CCDC60: variants seen among roughly 807,000 people sequenced by gnomAD.
CCDC60 encodes the protein coiled-coil domain containing 60.
CCDC60 carries 54 observed loss-of-function variants against 63.5 expected under a neutral mutation model. The ratio of observed to expected loss-of-function variants is 0.85; its 90% CI spans 0.68 to 1.07. CCDC60 has a LOEUF of 1.07. Among genes scored for constraint, CCDC60 ranks in the 50% least tolerant of loss-of-function variants. CCDC60 has a pLI of 0.00. For synonymous variants in CCDC60, 206 were observed against 238.8 expected (o/e 0.86, Z 1.27); for missense variants, 651 against 684.3 (o/e 0.95, Z 0.54).
chr12:119,462,513 AT>A (rs1264888710), intron 2 of CCDC60, among the ~76,000 whole-genome samples: 2 of 152,032 alleles, frequency 1.3e-5, no homozygotes, highest in African/African-American at 2.4e-5. Context: ...TTTAAAAAAA[AT>A]TTTCTTGTTT....
At chr12:119,537,208 T>C (rs1202640710) in intron 13 of CCDC60, among the ~76,000 whole-genome samples, 1 of 152,256 alleles carries the variant, frequency 6.6e-6, no homozygotes, top group African/African-American at 2.4e-5. Context: ...AATCGGCTAC[T>C]GAAGCTTGTG....
intron 7 of CCDC60, among the ~76,000 whole-genome samples, chr12:119,516,174 C>T (rs185616414): frequency 3.9e-5 from 6 of 152,178 alleles, no homozygotes; most frequent in African/African-American, 9.6e-5. Flanking sequence ...GGCATGATCT[C>T]GGCTCGCTGC....
At chr12:119,483,313 C>G (rs1050034864) in intron 4 of CCDC60, among the ~76,000 whole-genome samples, 1 of 152,258 alleles carries the variant, frequency 6.6e-6, no homozygotes, top group Non-Finnish European at 1.5e-5. Context: ...CAATGCGGAT[C>G]AGAGCCTGGT....
chr12:119,506,221 T>A (rs996515793), intron 7 of CCDC60, among the ~76,000 whole-genome samples: 2 of 152,134 alleles, frequency 1.3e-5, no homozygotes, highest in African/African-American at 4.8e-5. Flanking sequence ...CTGAACATTT[T>A]ATAGATGGAA....
In CCDC60 at chr12:119,516,712, G is replaced by A; in HGVS notation, c.968+5G>A. On this transcript the variant is annotated splice_donor_5th_base_variant and intron_variant, in intron 8 of 13. Transcript: ENST00000327554. ...GATGCAAAGAAAAGCACCCAGGTATGTGCTCTTGACTCCTGGGGCAAATAA... is the reference window on the plus strand; with the variant it reads ...GATGCAAAGAAAAGCACCCAGGTATATGCTCTTGACTCCTGGGGCAAATAA... The A allele has an allele frequency of 1.3e-6, 2 of 1,599,286 alleles. No individual in the cohort carries two copies. Among genetic ancestry groups the A allele is most frequent in the Non-Finnish European group, 1.7e-6 (2 of 1,166,968 alleles).
Position 119,456,577 on chromosome 12 carries a change from G to T in CCDC60, c.171-15417G>T, listed in dbSNP as rs1056181151. On this transcript the variant is annotated intron_variant, in intron 2 of 13. Transcript: ENST00000327554. The surrounding 1 kb of genome is among the most constrained non-coding windows in gnomAD (Gnocchi z 4.6). ...GATCTTGCACAAGAAAGAATTCAGG[G>T]CAAGTCCATAGCATAAAGTGAAAGC... 1.3e-5 allele frequency among the ~76,000 whole-genome samples: 2 copies of T among 152,178 alleles called. No individual in the cohort carries two copies. Among genetic ancestry groups the T allele is most frequent in the African/African-American group, 4.8e-5 (2 of 41,434 alleles).
intron 1 of CCDC60, among the ~76,000 whole-genome samples, chr12:119,365,952 C>T (rs1955835897): frequency 6.6e-6 from 1 of 152,162 alleles, no homozygotes; most frequent in Non-Finnish European, 1.5e-5. Flanking sequence ...GCCAAGATTA[C>T]AATGTTGAAA....
chr12:119,507,409 G>A (rs1202533555), intron 7 of CCDC60, among the ~76,000 whole-genome samples: 7 of 148,594 alleles, frequency 4.7e-5, no homozygotes, highest in Admixed American at 3.4e-4. Context: ...GCAGATATGC[G>A]ATTCTTATAT....
intron 1 of CCDC60, among the ~76,000 whole-genome samples, chr12:119,337,244 C>T (rs1955480869): frequency 6.6e-6 from 1 of 152,210 alleles, no homozygotes; most frequent in African/African-American, 2.4e-5. Context: ...TCCAGAGCAG[C>T]CCGCTCTGGG....
rs1566019661 is a variant in CCDC60 at position 119,456,063 on chromosome 12, GCA to G, written c.171-15930_171-15929del. Among the ~76,000 whole-genome samples the G allele has an allele frequency of 1.2e-5, 1 of 83,958 alleles. No individual in the cohort carries two copies. Among genetic ancestry groups the G allele is most frequent in the East Asian group, 4.6e-4 (1 of 2,156 alleles). 55.1% of individuals were successfully genotyped at this position (83,958 alleles called of 152,430 possible). A position where few individuals can be genotyped will look rare whatever the true frequency, so the allele number is the denominator to read the frequency against. On this transcript the variant is annotated intron_variant, in intron 2 of 13. Coordinates refer to ENST00000327554, the MANE Select transcript of CCDC60 (RefSeq NM_178499.5). This position sits in a 1 kb window ranked among gnomAD's most constrained non-coding sequence, Gnocchi z 4.6. The stretch of plus-strand genomic sequence containing the variant: ...AGAAAGAAAGAAAGAAAGAAAGAAA[GCA>G]AGCAAGCATGTGCAATTTCAAGGGG...
chr12:119,360,148 T>C (rs1365940651), intron 1 of CCDC60, among the ~76,000 whole-genome samples: 1 of 146,666 alleles, frequency 6.8e-6, no homozygotes, highest in Admixed American at 6.8e-5. Context: ...ACGGGGCGGC[T>C]GGCCGGGCGG....
rs77874332 is a variant in CCDC60, at chr12:119,359,297, C to T, written c.90+24031C>T. On this transcript the variant is annotated intron_variant, in intron 1 of 13. Transcript: ENST00000327554. ...TTGTTCATTTTTCCGTTGTTATACA[C>T]ATCTCAGATCTACTTCCAGATGTGG... Among the ~76,000 whole-genome samples, 1,434 of 152,290 alleles carry T rather than the reference C, an allele frequency of 9.4e-3. 13 individuals are homozygous for T. Among genetic ancestry groups the T allele is most frequent in the Non-Finnish European group, 0.016 (1,080 of 68,036 alleles).
chr12:119,396,028 C>T (rs1193273737), intron 1 of CCDC60, among the ~76,000 whole-genome samples: 1 of 152,068 alleles, frequency 6.6e-6, no homozygotes, highest in Non-Finnish European at 1.5e-5. Flanking sequence ...ACCTCTGCCT[C>T]CCGGGTTCAA....
intron 2 of CCDC60, among the ~76,000 whole-genome samples, chr12:119,455,916 A>C: frequency 8.6e-6 from 1 of 116,722 alleles, no homozygotes; most frequent in East Asian, 3.5e-4. Flanking sequence ...GGAGGAAGGA[A>C]GGAGGAAAGA....
intron 2 of CCDC60, among the ~76,000 whole-genome samples, chr12:119,431,174 A>C (rs925585461): frequency 6.6e-6 from 1 of 152,224 alleles, no homozygotes; most frequent in Non-Finnish European, 1.5e-5. Flanking sequence ...GGGGAATTGC[A>C]ATAGAGAAAG....
At chr12:119,503,362 A>C (rs986793604) in intron 6 of CCDC60, among the ~76,000 whole-genome samples, 1 of 152,114 alleles carries the variant, frequency 6.6e-6, no homozygotes, top group Non-Finnish European at 1.5e-5. Context: ...CAAGCTCTTG[A>C]CCAGTTGCAG....
intron 12 of CCDC60, 110 bp from the exon 13 acceptor site, chr12:119,530,764 C>A: frequency 1.2e-6 from 1 of 855,818 alleles, no homozygotes; most frequent in Non-Finnish European, 1.8e-6. Flanking sequence ...AAGAATACTG[C>A]TGCCCTGGAG....
chr12:119,418,300 C>T (rs1053780420), intron 1 of CCDC60, among the ~76,000 whole-genome samples: 26 of 151,448 alleles, frequency 1.7e-4, no homozygotes, highest in Non-Finnish European at 3.2e-4. Flanking sequence ...GGACATTCTC[C>T]TTCATAGTCA....
chr12:119,362,549 T>C (rs1328571187), intron 1 of CCDC60, among the ~76,000 whole-genome samples: 1 of 152,236 alleles, frequency 6.6e-6, no homozygotes, highest in African/African-American at 2.4e-5. Context: ...CTTCTTTTGC[T>C]CACCATTATA....
Sources: allele counts gnomAD v4.1 joint callset (sites outside exome capture counted in the v4.1 genomes callset), GRCh38; gene constraint gnomAD v4.1.1; non-coding constraint Gnocchi (gnomAD v3.1); transcripts MANE v1.5; gene names NCBI Gene and HGNC (gene_info 2026-07-23, HGNC 2026-07-21).